Variants in ATG16L1 observed in about 807,000 individuals in gnomAD.
The protein encoded by ATG16L1 is autophagy-related protein 16-1.
ATG16L1 carries 37 observed loss-of-function variants against 88.5 expected under a neutral mutation model. The observed-to-expected ratio is 0.42, with a 90% CI of 0.32 to 0.55. The LOEUF (loss-of-function observed/expected upper bound fraction) is 0.55, where lower values mean the gene tolerates loss of function less well. ATG16L1 is among the 20% of genes least tolerant of loss of function. The pLI, the probability that ATG16L1 is intolerant of heterozygous loss-of-function variation, is 0.13. For missense variants in ATG16L1, 554 were observed against 752.8 expected, an observed-to-expected ratio of 0.74 and a Z score of 3.09; for synonymous variants, 301 against 281.0, an observed-to-expected ratio of 1.07 and a Z score of -0.71.
intron 1 of ATG16L1, among the ~76,000 whole-genome samples, chr2:233,254,826 A>C (rs955339117): frequency 6.6e-6 from 1 of 152,166 alleles, no homozygotes; most frequent in African/African-American, 2.4e-5. Flanking sequence ...ACTCTTTAAA[A>C]GGAGAAACAA....
At chr2:233,287,270 G>A (rs60235346) in intron 12 of ATG16L1, among the ~76,000 whole-genome samples, 2,834 of 152,282 alleles carry the variant, frequency 0.019, 86 homozygotes, top group African/African-American at 0.064. Flanking sequence ...AAATGCTTAC[G>A]CTATAAGCTT....
Position 233,293,327 on chromosome 2 carries a change from A to C in ATG16L1, c.1700A>C (p.Lys567Thr), listed in dbSNP as rs773187570. The stretch of plus-strand genomic sequence containing the variant: ...TATATCTGGAGTGTGCTCACAGGGA[A>C]AGTGGAAAAGGTTCTTTCAAAGCAG... Reference protein sequence around the residue: ...SLYIWSVLTGKVEKVLSKQHS... With the variant: ...SLYIWSVLTGTVEKVLSKQHS... The change falls in exon 17 of 18, where the codon AAA (lysine) becomes ACA (threonine). Residue 567 changes from lysine to threonine, a missense_variant. Physicochemically the swap from Lys to Thr is moderately conservative, Grantham distance 78. Transcript: ENST00000392017. 1 of 1,614,032 alleles carries C rather than the reference A, an allele frequency of 6.2e-7. No individual in the cohort carries two copies. The highest frequency in any genetic ancestry group is 8.5e-7 in the Non-Finnish European group (1 of 1,180,036).
In ATG16L1 at chr2:233,257,996, C is replaced by T. The variant is rs61570621; in HGVS notation, c.209+1801C>T. ...CAGCCTGGGTGACAGAGCGAGACTC[C>T]GTCTCAAAAAAAAAAAAAAAATATC... is the stretch of plus-strand genomic sequence containing the variant. On this transcript the variant is annotated intron_variant, in intron 2 of 17. Transcript: ENST00000392017. 7.2e-3 allele frequency among the ~76,000 whole-genome samples: 930 copies of T among 129,238 alleles called. 6 individuals carry two copies. The highest frequency in any genetic ancestry group is 0.026 in the African/African-American group (873 of 33,104). The allele number at this position is 129,238 out of a possible 152,430, so 84.8% of individuals were successfully genotyped here.
At position 233,274,010 on chromosome 2, in the gene ATG16L1, T is replaced by C. The variant is rs1380296198; in HGVS notation, c.851+233T>C. ...CTTTAGTCTGTCCGAGTCTCCCCTT[T>C]TGGGACATCATTCTTCTTCTGATGC... On this transcript the variant is annotated intron_variant, in intron 8 of 17. Coordinates refer to ENST00000392017, the MANE Select transcript of ATG16L1 (RefSeq NM_030803.7). The C allele has an allele frequency of 6.4e-6, 10 of 1,550,978 alleles. No individual in the cohort carries two copies. The East Asian group carries it at 1.7e-4, about 27-fold the overall frequency.
intron 2 of ATG16L1, among the ~76,000 whole-genome samples, chr2:233,261,069 C>T (rs1697176331): frequency 6.6e-6 from 1 of 152,192 alleles, no homozygotes; most frequent in South Asian, 2.1e-4. Flanking sequence ...CATTCTCCTG[C>T]CTCAGCCTCC....
chr2:233,274,054 T>C (rs1448939951), intron 8 of ATG16L1: 1 of 1,549,338 alleles, frequency 6.5e-7, no homozygotes, highest in Admixed American at 2.0e-5. Flanking sequence ...GAAACTATTA[T>C]CCTCTCTTAG....
intron 3 of ATG16L1, 97 bp downstream of exon 3, chr2:233,263,332 G>A: frequency 9.0e-7 from 1 of 1,110,330 alleles, no homozygotes; most frequent in Non-Finnish European, 1.3e-6. Context: ...ATTGGCAGCA[G>A]CCTTAGCCAT....
Position 233,286,643 on chromosome 2 carries a change from T to TTTTTTTTTTTTTTG in ATG16L1, c.1204-3211_1204-3210insTTTTTTTTTTTTTG, listed in dbSNP as rs1553608374. 5.1e-3 allele frequency among the ~76,000 whole-genome samples: 707 copies of TTTTTTTTTTTTTTG among 138,644 alleles called. 19 individuals are homozygous for TTTTTTTTTTTTTTG. Among genetic ancestry groups the TTTTTTTTTTTTTTG allele is most frequent in the African/African-American group, 9.9e-3 (352 of 35,696 alleles). The allele number at this position is 138,644 out of a possible 152,430, so 91.0% of individuals were successfully genotyped here. On this transcript the variant is annotated intron_variant, in intron 12 of 17. Transcript: ENST00000392017. ...AAACTTTTTTTTTTTTTTTTTTTTT[T>TTTTTTTTTTTTTTG]GAGACAGTGTCTCGCTCAGTCACCC...
chr2:233,280,303 A>T (rs1004399275), intron 10 of ATG16L1, among the ~76,000 whole-genome samples: 1 of 152,228 alleles, frequency 6.6e-6, no homozygotes, highest in Admixed American at 6.5e-5. Flanking sequence ...ATCTGTGTGG[A>T]TCATCCTTAA....
intron 10 of ATG16L1, among the ~76,000 whole-genome samples, chr2:233,278,408 A>G (rs1186035869): frequency 2.6e-5 from 4 of 152,240 alleles, no homozygotes; most frequent in Non-Finnish European, 5.9e-5. Context: ...CCACTTTGCC[A>G]AGTGTCTGTA....
intron 2 of ATG16L1, among the ~76,000 whole-genome samples, chr2:233,261,425 C>T (rs1269285209): frequency 1.3e-5 from 2 of 152,128 alleles, no homozygotes; most frequent in Admixed American, 6.5e-5. Context: ...AATTATTCTG[C>T]CTGATTTAGG....
chr2:233,256,111 T>G lies in ATG16L1; in HGVS notation c.125T>G (p.Leu42Trp). ...TTTTTTATTTTAATAGATAACAAAT[T>G]GCTGGAAAAGTCAGATCTTCATTCA... ...FEEIILQYNK[L>W]LEKSDLHSVL... Residue 42 changes from leucine (L) to tryptophan (W), a missense_variant, in exon 2 of 18, where the codon TTG (leucine) becomes TGG (tryptophan). Leu to Trp is a moderately conservative substitution (Grantham distance 61). This residue lies in a region of ATG16L1 where 101 missense variants were observed against 107.0 expected (regional missense o/e 0.94). Transcript: ENST00000392017. The G allele has an allele frequency of 6.2e-7, 1 of 1,613,764 alleles. No homozygotes were observed. Among genetic ancestry groups the G allele is most frequent in the Non-Finnish European group, 8.5e-7 (1 of 1,179,752 alleles).
intron 10 of ATG16L1, among the ~76,000 whole-genome samples, chr2:233,279,621 G>T (rs73998344): frequency 0.019 from 2,861 of 152,228 alleles, 95 homozygotes; most frequent in African/African-American, 0.065. Flanking sequence ...TAGTTTGGGG[G>T]TCCTGTTTTT....
rs1699731526 is a variant in ATG16L1 at position 233,295,311 on chromosome 2, C to A, written c.*961C>A. The A allele has an allele frequency of 6.5e-6, 1 of 152,812 alleles. No homozygotes were observed. Among genetic ancestry groups the A allele is most frequent in the Non-Finnish European group, 1.5e-5 (1 of 68,052 alleles). The allele number at this position is 152,812 out of a possible 1,614,324, so 9.5% of individuals were successfully genotyped here. A position where few individuals can be genotyped will look rare whatever the true frequency, so the allele number is the denominator to read the frequency against. ...ATGAAGGCCAAGGAAAAACATTTAT[C>A]TTTACTATTTTACCTACGTATAAAG... On this transcript the variant is annotated 3_prime_UTR_variant, in exon 18 of 18. Transcript: ENST00000392017.
At chr2:233,265,294 T>C (rs1229389554) in intron 5 of ATG16L1, 151 bp downstream of exon 5, 2 of 998,956 alleles carry the variant, frequency 2.0e-6, no homozygotes, top group African/African-American at 3.3e-5. Context: ...TTCTGAACAA[T>C]ATAAATTAAA....
At position 233,256,084 on chromosome 2, in the gene ATG16L1, A is replaced by C; in HGVS notation, c.116-18A>C. The C allele has an allele frequency of 6.2e-7, 1 of 1,603,260 alleles. No individual in the cohort carries two copies. The highest frequency in any genetic ancestry group is 1.1e-5 in the South Asian group (1 of 90,690). On this transcript the variant is annotated intron_variant, in intron 1 of 17. Transcript: ENST00000392017. Reference sequence around the variant, plus strand: ...GTTGTAATAAATAACTTAGTTTCTGACTTTTTTATTTTAATAGATAACAAA... The same window carrying C: ...GTTGTAATAAATAACTTAGTTTCTGCCTTTTTTATTTTAATAGATAACAAA...
At chr2:233,269,022 G>A (rs1340622919) in intron 5 of ATG16L1, among the ~76,000 whole-genome samples, 1 of 152,170 alleles carries the variant, frequency 6.6e-6, no homozygotes, top group African/African-American at 2.4e-5. Flanking sequence ...GTAAGGTCAG[G>A]GTTAGGAGTT....
chr2:233,270,804 A>G (rs1455733880), intron 6 of ATG16L1, among the ~76,000 whole-genome samples: 6 of 152,238 alleles, frequency 3.9e-5, no homozygotes, highest in African/African-American at 9.6e-5. Flanking sequence ...TGAAGCTTTC[A>G]TAGTGGTAGA....
At chr2:233,271,668 C>G (rs373125336) in intron 6 of ATG16L1, among the ~76,000 whole-genome samples, 2 of 152,352 alleles carry the variant, frequency 1.3e-5, no homozygotes, top group African/African-American at 2.4e-5. Flanking sequence ...TTAGCAAATG[C>G]TAGTGTTTTC....
Sources: allele counts gnomAD v4.1 joint callset (sites outside exome capture counted in the v4.1 genomes callset), GRCh38; gene constraint gnomAD v4.1.1; regional missense constraint gnomAD v4.1.1; transcripts MANE v1.5; gene names NCBI Gene and HGNC (gene_info 2026-07-23, HGNC 2026-07-21).